CKAP5: variants seen among roughly 807,000 people sequenced by gnomAD.
The protein encoded by CKAP5 is cytoskeleton associated protein 5.
A neutral mutation model predicts 232.8 loss-of-function variants in CKAP5; 27 were observed. That is an observed-to-expected ratio of 0.12 (90% CI 0.09 to 0.16). The LOEUF is 0.16. Ranked by LOEUF, CKAP5 falls within the 10% of genes least tolerant of loss-of-function variation. The pLI is 1.00. For synonymous variants in CKAP5, 785 were observed against 841.1 expected, an observed-to-expected ratio of 0.93 and a Z score of 1.16; for missense variants, 1,838 against 2,424.7, an observed-to-expected ratio of 0.76 and a Z score of 5.08.
chr11:46,831,659 G>T (rs1474708890), intron 1 of CKAP5, among the ~76,000 whole-genome samples: 2 of 152,134 alleles, frequency 1.3e-5, no homozygotes, highest in East Asian at 3.9e-4. Flanking sequence ...CTCCTGAGTA[G>T]CTAGGACTAC....
chr11:46,752,161 CATATATAT>C lies in CKAP5; in HGVS notation c.5133+466_5133+473del, dbSNP rs142364564. 3.8e-3 allele frequency among the ~76,000 whole-genome samples: 335 copies of C among 88,814 alleles called. 3 individuals carry two copies. The highest frequency in any genetic ancestry group is 0.012 in the African/African-American group (294 of 24,522). The allele number at this position is 88,814 out of a possible 152,430, so 58.3% of individuals were successfully genotyped here. A position where few individuals can be genotyped will look rare whatever the true frequency, so the allele number is the denominator to read the frequency against. On this transcript the variant is annotated intron_variant, in intron 38 of 43. Coordinates refer to ENST00000529230, the MANE Select transcript of CKAP5 (RefSeq NM_001008938.4). ...GGAAGGGAAAAACTGAAGACCAATT[CATATATAT>C]ATATATATATATATATATATATATA...
At chr11:46,842,966 CAAAAAAAAAAAA>C (rs60343444) in intron 1 of CKAP5, among the ~76,000 whole-genome samples, 5 of 39,408 alleles carry the variant, frequency 1.3e-4, no homozygotes, top group African/African-American at 3.4e-4. Flanking sequence ...GACTCCGTCT[CAAAAAAAAAAAA>C]AAAAAAAAAA....
chr11:46,770,285 T>C, intron 25 of CKAP5, 187 bp from the exon 26 acceptor site: 2 of 626,592 alleles, frequency 3.2e-6, no homozygotes, highest in East Asian at 2.8e-5. Context: ...AAGGTAGGTA[T>C]CATTCTAGAA....
intron 1 of CKAP5, among the ~76,000 whole-genome samples, chr11:46,825,117 T>C (rs147792830): frequency 1.6e-4 from 25 of 152,350 alleles, no homozygotes; most frequent in Non-Finnish European, 2.8e-4. Context: ...GGTTTAGGCA[T>C]AATTGTTTAT....
At chr11:46,802,499 G>A (rs1454726885) in intron 8 of CKAP5, among the ~76,000 whole-genome samples, 1 of 151,432 alleles carries the variant, frequency 6.6e-6, no homozygotes, top group African/African-American at 2.4e-5. Context: ...AGTGCAGATC[G>A]CACCACTGCA....
chr11:46,744,145 G>A lies in CKAP5; in HGVS notation c.5977C>T (p.Gln1993Ter). The A allele has an allele frequency of 2.5e-6, 4 of 1,614,130 alleles. No individual in the cohort carries two copies. The highest frequency in any genetic ancestry group is 3.4e-6 in the Non-Finnish European group (4 of 1,180,026). ...TGGTTAGAATCCAGGTCTGAATGCT[G>A]GTGCTGCTCCCGTGACTCCCGGAGC... is the stretch of plus-strand genomic sequence containing the variant. ...SQLRESREQH[Q>*]HSDLDSNQTH... Residue 1993 changes from glutamine to a stop codon, truncating the protein, a stop_gained, in exon 44 of 44, where the codon CAG becomes TAG. Coordinates refer to ENST00000529230, the MANE Select transcript of CKAP5 (RefSeq NM_001008938.4). LOFTEE classifies it high-confidence loss of function.
chr11:46,812,486 T>G (rs535697954), intron 4 of CKAP5, among the ~76,000 whole-genome samples: 81 of 152,318 alleles, frequency 5.3e-4, no homozygotes, highest in African/African-American at 1.8e-3. Flanking sequence ...GATTTATTTA[T>G]GAAAGAACAC....
rs560342200 is a variant in CKAP5 at position 46,787,240 on chromosome 11, C to T, written c.1968+1441G>A. ...TTAGCCTTTGTGGAGCTGGCCTATA[C>T]GAATAAGGTGCTATGTAACACAATG... On this transcript the variant is annotated intron_variant, in intron 16 of 43. Coordinates refer to ENST00000529230, the MANE Select transcript of CKAP5 (RefSeq NM_001008938.4). 7.2e-5 allele frequency among the ~76,000 whole-genome samples: 11 copies of T among 152,172 alleles called. No homozygotes were observed. In the East Asian group the frequency reaches 1.5e-3, roughly 21 times the overall value.
chr11:46,813,970 A>C (rs1939335775), intron 4 of CKAP5, among the ~76,000 whole-genome samples: 1 of 151,700 alleles, frequency 6.6e-6, no homozygotes, highest in Admixed American at 6.6e-5. Flanking sequence ...ATCTCTATTA[A>C]AGAAAAAAAA....
rs547785392 is a variant in CKAP5 at position 46,754,847 on chromosome 11, G to A, written c.4869+41C>T. 7.6e-6 allele frequency: 12 copies of A among 1,568,904 alleles called. No homozygotes were observed. In the Middle Eastern group the frequency reaches 6.7e-4, roughly 88 times the overall value. On this transcript the variant is annotated intron_variant, in intron 36 of 43. Coordinates refer to ENST00000529230, the MANE Select transcript of CKAP5 (RefSeq NM_001008938.4). ...TGGCTTTTGAACCTCTGTAGGCTGA[G>A]AGATTGATGGGAAGCTGAAATTCTG...
At chr11:46,809,311 C>A in intron 7 of CKAP5, 89 bp downstream of exon 7, 1 of 800,096 alleles carries the variant, frequency 1.2e-6, no homozygotes, top group Non-Finnish European at 2.0e-6. Context: ...GAAGGGGGTG[C>A]ATCAGGCAAG....
At chr11:46,819,992 T>A (rs1939490792) in intron 2 of CKAP5, among the ~76,000 whole-genome samples, 1 of 151,932 alleles carries the variant, frequency 6.6e-6, no homozygotes, top group Non-Finnish European at 1.5e-5. Flanking sequence ...CAATAAATGC[T>A]CAAAAAATGG....
chr11:46,818,206 T>A, intron 3 of CKAP5, 104 bp downstream of exon 3: 1 of 800,718 alleles, frequency 1.2e-6, no homozygotes. Flanking sequence ...AGAAAATTCA[T>A]CTATTCTAAA....
chr11:46,778,307 T>A lies in CKAP5; in HGVS notation c.2580A>T (p.Lys860Asn), dbSNP rs1251927201. ...TCTTAGATACCAACTCTGAAGTGAT[T>A]TTATCACTGAAAAACAGAAAATAAC... ...DLLPRTEISD[K>N]ITSELVSKIG... The change falls in exon 22 of 44, where the codon AAA (lysine) becomes AAT (asparagine). Residue 860 changes from lysine (K) to asparagine (N), a missense_variant. Coordinates refer to ENST00000529230, the MANE Select transcript of CKAP5 (RefSeq NM_001008938.4). 1 of 1,611,446 alleles carries A rather than the reference T, an allele frequency of 6.2e-7. No individual in the cohort carries two copies. The highest frequency in any genetic ancestry group is 8.5e-7 in the Non-Finnish European group (1 of 1,178,884).
rs749399132 is a variant in CKAP5 at position 46,778,526 on chromosome 11, TCTC to T, written c.2504_2506del (p.Gly835del). The T allele has an allele frequency of 2.5e-6, 4 of 1,614,050 alleles. No individual in the cohort carries two copies. The highest frequency in any genetic ancestry group is 2.2e-5 in the South Asian group (2 of 91,082). On this transcript the variant is annotated inframe_deletion, in exon 21 of 44. Transcript: ENST00000529230. ...CCCGTCATCTGGTTCATCTCCATCTTCTCCTTCATCTGTACCACTTGTGCTATG... is the reference window on the plus strand; with the variant it reads ...CCCGTCATCTGGTTCATCTCCATCTTCTTCATCTGTACCACTTGTGCTATG...
At chr11:46,821,421 CTTTT>C (rs369366613) in intron 1 of CKAP5, among the ~76,000 whole-genome samples, 153 bp from the exon 2 acceptor site, 9 of 105,198 alleles carry the variant, frequency 8.6e-5, no homozygotes, top group Non-Finnish European at 1.2e-4. Flanking sequence ...ATTAACAGGA[CTTTT>C]TTTTTTTTTT....
chr11:46,779,833 G>C (rs2065324429), intron 20 of CKAP5, among the ~76,000 whole-genome samples: 1 of 151,898 alleles, frequency 6.6e-6, no homozygotes, highest in African/African-American at 2.4e-5. Flanking sequence ...TGTTGCCCAG[G>C]CTGGTCTTAA....
chr11:46,794,534 C>G (rs1730393062), intron 13 of CKAP5, among the ~76,000 whole-genome samples: 2 of 152,132 alleles, frequency 1.3e-5, no homozygotes, highest in Admixed American at 6.5e-5. Context: ...AGATTGCCAC[C>G]TGCACATGAA....
intron 8 of CKAP5, among the ~76,000 whole-genome samples, chr11:46,803,671 T>A (rs1592469230): frequency 6.6e-6 from 1 of 152,206 alleles, no homozygotes; most frequent in African/African-American, 2.4e-5. Context: ...TCCAAAGTTT[T>A]TGCTCCTTTT....
Sources: gnomAD v4.1 joint callset for allele counts (sites outside exome capture counted in the v4.1 genomes callset) on GRCh38, gnomAD v4.1.1 for gene constraint, MANE v1.5 for transcripts, NCBI Gene and HGNC (gene_info 2026-07-23, HGNC 2026-07-21) for gene names.